Variants in CEP120 observed in about 807,000 individuals in gnomAD.
CEP120 encodes the protein centrosomal protein of 120 kDa.
A neutral mutation model predicts 126.5 loss-of-function variants in CEP120; 113 were observed. The observed-to-expected ratio is 0.89, with a 90% CI of 0.77 to 1.04. The LOEUF is 1.04. CEP120 is among the 50% of genes least tolerant of loss of function. The probability of loss-of-function intolerance (pLI) is 0.00; values close to 1 mark genes in which losing one functional copy is unlikely to be tolerated. For missense variants in CEP120, 1,230 were observed against 1,155.7 expected (o/e 1.06, Z -0.93); for synonymous variants, 400 against 394.3 (o/e 1.01, Z -0.17).
At chr5:123,385,823 A>G (rs951544666) in intron 10 of CEP120, among the ~76,000 whole-genome samples, 4 of 151,888 alleles carry the variant, frequency 2.6e-5, no homozygotes, top group African/African-American at 4.8e-5. Flanking sequence ...AGGCTAGTCT[A>G]AAACTCCTGG....
At chr5:123,404,353 T>C (rs1773503227) in intron 4 of CEP120, among the ~76,000 whole-genome samples, 1 of 152,192 alleles carries the variant, frequency 6.6e-6, no homozygotes, top group African/African-American at 2.4e-5. Context: ...TTTAACCATC[T>C]CTTGGGTTTA....
At chr5:123,404,436 G>A (rs1424865982) in intron 4 of CEP120, among the ~76,000 whole-genome samples, 1 of 152,108 alleles carries the variant, frequency 6.6e-6, no homozygotes. Context: ...CCTAAGTGGG[G>A]GTCTTCGGCA....
At chr5:123,398,468 C>A (rs151238459) in intron 5 of CEP120, among the ~76,000 whole-genome samples, 1 of 152,240 alleles carries the variant, frequency 6.6e-6, no homozygotes, top group East Asian at 1.9e-4. Context: ...AAAGACTAGG[C>A]CTGCTTACTG....
chr5:123,391,612 T>A (rs1772408009), intron 6 of CEP120, among the ~76,000 whole-genome samples: 1 of 151,834 alleles, frequency 6.6e-6, no homozygotes, highest in African/African-American at 2.4e-5. Context: ...CTTCTTTTTC[T>A]GTCTCTTTGG....
rs746379935 is a variant in CEP120, at chr5:123,377,369, C to A, written c.2358+5G>T. Reference sequence around the variant, plus strand: ...CATAAAAAGATGACAAGTACGTTATCCAACCTGTTGCTGAAGGCGGTGTTT... The same window carrying A: ...CATAAAAAGATGACAAGTACGTTATACAACCTGTTGCTGAAGGCGGTGTTT... On this transcript the variant is annotated splice_donor_5th_base_variant and intron_variant, in intron 16 of 19. Transcript: ENST00000306467. The A allele has an allele frequency of 6.2e-7, 1 of 1,605,214 alleles. No individual in the cohort carries two copies. Among genetic ancestry groups the A allele is most frequent in the East Asian group, 2.2e-5 (1 of 44,712 alleles).
chr5:123,415,867 CAA>C (rs550040687), intron 3 of CEP120, 141 bp downstream of exon 3: 157 of 429,800 alleles, frequency 3.7e-4, no homozygotes, highest in Middle Eastern at 1.2e-3. Context: ...GACTCCGTCT[CAA>C]AAAAAAAAAG....
Position 123,391,430 on chromosome 5 carries a change from T to C in CEP120, c.811-93A>G, listed in dbSNP as rs926001709. The C allele has an allele frequency of 6.0e-6, 6 of 994,078 alleles. No individual in the cohort carries two copies. In the African/African-American group the frequency reaches 6.5e-5, roughly 11 times the overall value. 61.6% of individuals were successfully genotyped at this position (994,078 alleles called of 1,614,324 possible). ...TAATAAGAAGTTGTAAAATGATGCA[T>C]GGAAAGAAAATATTATGCAGGTTAT... On this transcript the variant is annotated intron_variant, in intron 6 of 19. Coordinates refer to ENST00000306467, the MANE Select transcript of CEP120 (RefSeq NM_001375405.1).
chr5:123,383,640 G>A (rs1271698503), intron 11 of CEP120, among the ~76,000 whole-genome samples: 2 of 151,860 alleles, frequency 1.3e-5, no homozygotes, highest in African/African-American at 4.8e-5. Context: ...ACTTTTCCTG[G>A]GATGTACATA....
At chr5:123,381,346 G>C (rs1483271594) in intron 14 of CEP120, among the ~76,000 whole-genome samples, 1 of 150,186 alleles carries the variant, frequency 6.7e-6, no homozygotes, top group Non-Finnish European at 1.5e-5. Flanking sequence ...GAGGCAACTA[G>C]AGTTGATGAG....
intron 18 of CEP120, among the ~76,000 whole-genome samples, chr5:123,362,299 G>C (rs530783940): frequency 6.6e-6 from 1 of 151,498 alleles, no homozygotes; most frequent in Non-Finnish European, 1.5e-5. Context: ...CAGTACTCTC[G>C]TCAGAGTGGC....
At chr5:123,422,199 T>C (rs1209668298) in intron 1 of CEP120, among the ~76,000 whole-genome samples, 1 of 152,218 alleles carries the variant, frequency 6.6e-6, no homozygotes, top group African/African-American at 2.4e-5. Context: ...TTGCCTGGAA[T>C]GCCCTTCCTT....
In CEP120 at chr5:123,346,362, A is replaced by G. The variant is rs559483202; in HGVS notation, c.*157T>C. On this transcript the variant is annotated 3_prime_UTR_variant, in exon 20 of 20. Coordinates refer to ENST00000306467, the MANE Select transcript of CEP120 (RefSeq NM_001375405.1). ...AGTGTGGGAGAGGTAGCATAAAGTA[A>G]ATAAGATCAAATAAATACTATACAA... The G allele has an allele frequency of 4.8e-5, 25 of 521,752 alleles. No homozygotes were observed. The highest frequency in any genetic ancestry group is 4.5e-4 in the African/African-American group (23 of 51,588). 32.3% of individuals were successfully genotyped at this position (521,752 alleles called of 1,614,324 possible). A position where few individuals can be genotyped will look rare whatever the true frequency, so the allele number is the denominator to read the frequency against.
intron 4 of CEP120, among the ~76,000 whole-genome samples, chr5:123,410,050 A>G (rs1773948614): frequency 6.6e-6 from 1 of 151,870 alleles, no homozygotes; most frequent in Admixed American, 6.6e-5. Context: ...ATACAAAGTT[A>G]ATACACAAGT....
rs1281006271 is a variant in CEP120 at position 123,390,136 on chromosome 5, A to G, written c.1043T>C (p.Leu348Ser). Residue 348 changes from leucine to serine, a missense_variant, in exon 8 of 20, where the codon TTA becomes TCA. Leu to Ser is a moderately radical substitution (Grantham distance 145). Transcript: ENST00000306467. Reference sequence around the variant, plus strand: ...TTCATTCTGGGTCTTTAATTCAATTAAAGACTAAAAACAATTTTTAAATAA... The same window carrying G: ...TTCATTCTGGGTCTTTAATTCAATTGAAGACTAAAAACAATTTTTAAATAA... ...LQREGIDSQS[L>S]IELKTQNEHE... 2.5e-6 allele frequency: 4 copies of G among 1,594,116 alleles called. No individual in the cohort carries two copies. The highest frequency in any genetic ancestry group is 2.2e-5 in the East Asian group (1 of 44,766).
rs546422761 is a variant in CEP120, at chr5:123,396,805, C to T, written c.612+2331G>A. Among the ~76,000 whole-genome samples, 6 of 152,240 alleles carry T rather than the reference C, an allele frequency of 3.9e-5. No homozygotes were observed. In the South Asian group the frequency reaches 1.2e-3, roughly 32 times the overall value. The stretch of plus-strand genomic sequence containing the variant: ...AACAAGAGAATATTAAAAATGACCA[C>T]GTGGTCAGAAATACTTGGGCCATTA... On this transcript the variant is annotated intron_variant, in intron 5 of 19. Coordinates refer to ENST00000306467, the MANE Select transcript of CEP120 (RefSeq NM_001375405.1).
chr5:123,351,557 T>C (rs1043891039), intron 18 of CEP120, among the ~76,000 whole-genome samples: 1 of 152,170 alleles, frequency 6.6e-6, no homozygotes, highest in Admixed American at 6.5e-5. Flanking sequence ...ATATAAGAAT[T>C]ACAACAGCAT....
In CEP120 at chr5:123,377,467, G is replaced by C; in HGVS notation, c.2265C>G (p.Ile755Met). The change falls in exon 16 of 20, where the codon ATC (isoleucine) becomes ATG (methionine). Residue 755 changes from isoleucine to methionine, a missense_variant. By Grantham distance (10) the Ile-to-Met change is conservative (BLOSUM62 1). Transcript: ENST00000306467. ...QRNLQELQDSIRRAKEDCIHQ... is the reference protein window; with the variant it reads ...QRNLQELQDSMRRAKEDCIHQ... ...GAATACAGTCCTCTTTGGCCCTACG[G>C]ATAGAGTCCTGCAGTTCTTGCAGGT... 2 of 1,610,582 alleles carry C rather than the reference G, an allele frequency of 1.2e-6. No homozygotes were observed. The highest frequency in any genetic ancestry group is 2.2e-5 in the South Asian group (2 of 90,284).
chr5:123,375,075 A>AG (rs1219070347), intron 16 of CEP120, among the ~76,000 whole-genome samples: 1 of 152,132 alleles, frequency 6.6e-6, no homozygotes, highest in East Asian at 1.9e-4. Flanking sequence ...AACATGGTCA[A>AG]GGTAAGGACC....
rs756628897 is a variant in CEP120 at position 123,423,005 on chromosome 5, G to T, written c.-7C>A. 78 of 1,613,936 alleles carry T rather than the reference G, an allele frequency of 4.8e-5. No individual in the cohort carries two copies. Among genetic ancestry groups the T allele is most frequent in the Non-Finnish European group, 6.6e-5 (78 of 1,179,890 alleles). Reference sequence around the variant, plus strand: ...GGTCGGATTTGGAGACCATGGTTGCGGTGAGCGGTCCGGGGGCGAAGGCGG... The same window carrying T: ...GGTCGGATTTGGAGACCATGGTTGCTGTGAGCGGTCCGGGGGCGAAGGCGG... On this transcript the variant is annotated 5_prime_UTR_variant, in exon 1 of 20. Coordinates refer to ENST00000306467, the MANE Select transcript of CEP120 (RefSeq NM_001375405.1).
Sources: gnomAD v4.1 joint callset for allele counts (sites outside exome capture counted in the v4.1 genomes callset) on GRCh38, gnomAD v4.1.1 for gene constraint, MANE v1.5 for transcripts, NCBI Gene and HGNC (gene_info 2026-07-23, HGNC 2026-07-21) for gene names.